Variants in YPEL1 observed in about 807,000 individuals in gnomAD.
YPEL1 encodes yippee like 1.
YPEL1 carries 7 observed loss-of-function variants against 17.3 expected under a neutral mutation model. The ratio of observed to expected loss-of-function variants is 0.40; its 90% CI spans 0.23 to 0.76. The LOEUF (loss-of-function observed/expected upper bound fraction) is 0.76, where lower values mean the gene tolerates loss of function less well. YPEL1 is among the 30% of genes least tolerant of loss of function. YPEL1 has a pLI of 0.35. For synonymous variants in YPEL1, 59 were observed against 59.6 expected (o/e 0.99, Z 0.05); for missense variants, 91 against 155.5 (o/e 0.59, Z 2.21).
Position 21,703,977 on chromosome 22 carries a change from AGCTGC to A in YPEL1, c.118-100_118-96del. The A allele has an allele frequency of 7.0e-7, 1 of 1,424,310 alleles. No individual in the cohort carries two copies. Among genetic ancestry groups the A allele is most frequent in the Non-Finnish European group, 9.7e-7 (1 of 1,030,862 alleles). 88.2% of individuals were successfully genotyped at this position (1,424,310 alleles called of 1,614,324 possible). On this transcript the variant is annotated intron_variant, in intron 2 of 4. Coordinates refer to ENST00000339468, the MANE Select transcript of YPEL1 (RefSeq NM_013313.5). The surrounding 1 kb of genome is among the most constrained non-coding windows in gnomAD (Gnocchi z 6.1). ...AGGGGAGTCCAGCCCCGCGGCTGTTAGCTGCGCCGGGACGCGTCACCGGGAGCAGA... is the reference window on the plus strand; with the variant it reads ...AGGGGAGTCCAGCCCCGCGGCTGTTAGCCGGGACGCGTCACCGGGAGCAGA...
At position 21,701,264 on chromosome 22, in the gene YPEL1, T is replaced by C. The variant is rs537907460; in HGVS notation, c.271-46A>G. On this transcript the variant is annotated intron_variant, in intron 4 of 4. Coordinates refer to ENST00000339468, the MANE Select transcript of YPEL1 (RefSeq NM_013313.5). ...GGTTTCAGGACAGAAGGTTTCACTT[T>C]TCAATTTCATCACTCTTTTGGCAAA... is the stretch of plus-strand genomic sequence containing the variant. 87 of 1,504,386 alleles carry C rather than the reference T, an allele frequency of 5.8e-5. 2 individuals are homozygous for C. In the South Asian group the frequency reaches 9.7e-4, roughly 17 times the overall value. The allele number at this position is 1,504,386 out of a possible 1,614,324, so 93.2% of individuals were successfully genotyped here. A position where few individuals can be genotyped will look rare whatever the true frequency, so the allele number is the denominator to read the frequency against.
chr22:21,701,050 C>G lies in YPEL1; in HGVS notation c.*79G>C, dbSNP rs2068060273. ...GGTCAGAGGGCAAGAAAGGCTGTCACCAGATGCTCCTACGTTTCCATTACA... is the reference window on the plus strand; with the variant it reads ...GGTCAGAGGGCAAGAAAGGCTGTCAGCAGATGCTCCTACGTTTCCATTACA... On this transcript the variant is annotated 3_prime_UTR_variant, in exon 5 of 5. Transcript: ENST00000339468. The G allele has an allele frequency of 7.5e-7, 1 of 1,334,542 alleles. No individual in the cohort carries two copies. The highest frequency in any genetic ancestry group is 1.2e-5 in the South Asian group (1 of 82,608). The allele number at this position is 1,334,542 out of a possible 1,614,324, so 82.7% of individuals were successfully genotyped here. A position where few individuals can be genotyped will look rare whatever the true frequency, so the allele number is the denominator to read the frequency against.
intron 2 of YPEL1, 125 bp downstream of exon 2, chr22:21,710,503 G>A: frequency 1.2e-6 from 1 of 840,590 alleles, no homozygotes; most frequent in Non-Finnish European, 2.0e-6. Flanking sequence ...TGCCTAGAAG[G>A]CTCTAGACGT....
rs1355719621 is a variant in YPEL1, at chr22:21,700,025, T to C, written c.*1104A>G. On this transcript the variant is annotated 3_prime_UTR_variant, in exon 5 of 5. Coordinates refer to ENST00000339468, the MANE Select transcript of YPEL1 (RefSeq NM_013313.5). ...GTTCCACTAGACACCATTCTCAATT[T>C]AGAGTGTATCTAAAATGTCATCTGT... 1 of 152,380 alleles carries C rather than the reference T, an allele frequency of 6.6e-6. No individual in the cohort carries two copies. Among genetic ancestry groups the C allele is most frequent in the Non-Finnish European group, 1.5e-5 (1 of 68,042 alleles). The allele number at this position is 152,380 out of a possible 1,614,324, so 9.4% of individuals were successfully genotyped here.
In YPEL1 at chr22:21,697,692, G is replaced by C. The variant is rs2067993089; in HGVS notation, c.*3437C>G. 1 of 152,476 alleles carries C rather than the reference G, an allele frequency of 6.6e-6. No individual in the cohort carries two copies. The highest frequency in any genetic ancestry group is 6.5e-5 in the Admixed American group (1 of 15,282). 9.4% of individuals were successfully genotyped at this position (152,476 alleles called of 1,614,324 possible). ...TGAAGCCACCATGGGTGACCGTCCA[G>C]CCTCACCCGGTGGCCTGCACAGTGA... On this transcript the variant is annotated 3_prime_UTR_variant, in exon 5 of 5. Transcript: ENST00000339468.
chr22:21,709,374 T>G (rs1485834014), intron 2 of YPEL1, among the ~76,000 whole-genome samples: 1 of 152,224 alleles, frequency 6.6e-6, no homozygotes, highest in Non-Finnish European at 1.5e-5. Context: ...CTCTGCCTCG[T>G]TCAACAGTTT....
intron 1 of YPEL1, among the ~76,000 whole-genome samples, chr22:21,715,063 C>T (rs937961932): frequency 6.6e-6 from 1 of 152,102 alleles, no homozygotes; most frequent in African/African-American, 2.4e-5. Flanking sequence ...TAGTGTAAGG[C>T]ATGTATGTAT....
intron 1 of YPEL1, among the ~76,000 whole-genome samples, chr22:21,719,756 G>A (rs981942112): frequency 1.3e-5 from 2 of 152,044 alleles, no homozygotes; most frequent in Admixed American, 6.6e-5. Flanking sequence ...GGCCGGACGC[G>A]GTGGCTCACG....
intron 1 of YPEL1, among the ~76,000 whole-genome samples, chr22:21,712,383 A>C (rs1377475480): frequency 5.3e-5 from 8 of 151,210 alleles, no homozygotes; most frequent in East Asian, 3.9e-4. Flanking sequence ...AAAAAAAAAA[A>C]AACAACTACA....
At position 21,703,817 on chromosome 22, in the gene YPEL1, C is replaced by T. The variant is rs747756808; in HGVS notation, c.161+22G>A. The T allele has an allele frequency of 3.7e-5, 60 of 1,607,224 alleles. No homozygotes were observed. Among genetic ancestry groups the T allele is most frequent in the Non-Finnish European group, 4.8e-5 (57 of 1,176,854 alleles). On this transcript the variant is annotated intron_variant, in intron 3 of 4. Transcript: ENST00000339468. The surrounding 1 kb of genome is among the most constrained non-coding windows in gnomAD (Gnocchi z 6.1). ...GTCCCAGGGCCCGTGCCGCTCCCCCCGGGCTGAACCAGGGTACTCACACGG... is the reference window on the plus strand; with the variant it reads ...GTCCCAGGGCCCGTGCCGCTCCCCCTGGGCTGAACCAGGGTACTCACACGG...
chr22:21,724,854 A>G (rs1392011720), intron 1 of YPEL1, among the ~76,000 whole-genome samples: 1 of 152,010 alleles, frequency 6.6e-6, no homozygotes, highest in African/African-American at 2.4e-5. Flanking sequence ...TGCTGGGATT[A>G]GAGGCATGAA....
In YPEL1 at chr22:21,700,030, T is replaced by C. The variant is rs1460128227; in HGVS notation, c.*1099A>G. 6.6e-6 allele frequency: 1 copy of C among 152,222 alleles called. No individual in the cohort carries two copies. Among genetic ancestry groups the C allele is most frequent in the Non-Finnish European group, 1.5e-5 (1 of 68,018 alleles). 9.4% of individuals were successfully genotyped at this position (152,222 alleles called of 1,614,324 possible). On this transcript the variant is annotated 3_prime_UTR_variant, in exon 5 of 5. Coordinates refer to ENST00000339468, the MANE Select transcript of YPEL1 (RefSeq NM_013313.5). ...ACTAGACACCATTCTCAATTTAGAG[T>C]GTATCTAAAATGTCATCTGTGCTGG...
Position 21,703,298 on chromosome 22 carries a change from G to T in YPEL1, c.270+72C>A. 1.5e-6 allele frequency: 2 copies of T among 1,310,748 alleles called. No homozygotes were observed. The allele number at this position is 1,310,748 out of a possible 1,614,324, so 81.2% of individuals were successfully genotyped here. Reference sequence around the variant, plus strand: ...ACTGGTACCATGGGCCACACTGCACGGGGAGGTGTGGCTCAGTGGCAACTT... The same window carrying T: ...ACTGGTACCATGGGCCACACTGCACTGGGAGGTGTGGCTCAGTGGCAACTT... On this transcript the variant is annotated intron_variant, in intron 4 of 4. Transcript: ENST00000339468. This position sits in a 1 kb window ranked among gnomAD's most constrained non-coding sequence, Gnocchi z 6.1.
chr22:21,706,803 T>C (rs904605471), intron 2 of YPEL1, among the ~76,000 whole-genome samples: 16 of 151,982 alleles, frequency 1.1e-4, no homozygotes, highest in African/African-American at 3.9e-4. Context: ...GCTGAGATTA[T>C]GCCATTGTAC....
At chr22:21,704,973 G>T (rs542863160) in intron 2 of YPEL1, among the ~76,000 whole-genome samples, 1 of 152,174 alleles carries the variant, frequency 6.6e-6, no homozygotes, top group South Asian at 2.1e-4. Context: ...TTTGGGGGGA[G>T]TTGGGGTTTT....
At chr22:21,709,502 G>A (rs753012461) in intron 2 of YPEL1, among the ~76,000 whole-genome samples, 12 of 152,152 alleles carry the variant, frequency 7.9e-5, no homozygotes, top group South Asian at 2.1e-4. Context: ...CTGGCTGGGC[G>A]TGGTGACTCA....
chr22:21,729,296 G>C (rs1296943597), intron 1 of YPEL1, among the ~76,000 whole-genome samples: 1 of 151,864 alleles, frequency 6.6e-6, no homozygotes, highest in Non-Finnish European at 1.5e-5. Flanking sequence ...TGGTGACAGA[G>C]TACGATCTTA....
chr22:21,730,503 G>A (rs1224546875), intron 1 of YPEL1, among the ~76,000 whole-genome samples: 1 of 152,206 alleles, frequency 6.6e-6, no homozygotes, highest in East Asian at 1.9e-4. Flanking sequence ...GATTACAGGC[G>A]TGAGCTACAG....
intron 1 of YPEL1, among the ~76,000 whole-genome samples, chr22:21,713,825 C>T (rs762588172): frequency 1.3e-5 from 2 of 152,208 alleles, no homozygotes; most frequent in Non-Finnish European, 2.9e-5. Context: ...ATGACTGATG[C>T]TGCCATCATC....
Sources: gnomAD v4.1 joint callset for allele counts (sites outside exome capture counted in the v4.1 genomes callset) on GRCh38, gnomAD v4.1.1 for gene constraint, Gnocchi (gnomAD v3.1) non-coding constraint, MANE v1.5 for transcripts, NCBI Gene and HGNC (gene_info 2026-07-23, HGNC 2026-07-21) for gene names.